Variants in ACTR3B observed in about 807,000 individuals in gnomAD.
ACTR3B encodes the protein actin-related protein 3B.
Under a neutral mutation model 59.0 loss-of-function variants are expected in ACTR3B, and 8 were observed. The observed-to-expected ratio is 0.14, with a 90% CI of 0.08 to 0.24. The LOEUF (loss-of-function observed/expected upper bound fraction) is 0.24, where lower values mean the gene tolerates loss of function less well. Among genes scored for constraint, ACTR3B ranks in the 10% least tolerant of loss-of-function variants. ACTR3B has a pLI of 1.00. For synonymous variants in ACTR3B, 148 were observed against 197.9 expected (o/e 0.75, Z 2.12); for missense variants, 245 against 552.3 (o/e 0.44, Z 5.58).
chr7:152,786,593 C>T (rs1390518290), intron 2 of ACTR3B, among the ~76,000 whole-genome samples: 1 of 149,234 alleles, frequency 6.7e-6, no homozygotes, highest in African/African-American at 2.5e-5. Flanking sequence ...ACCCCACACA[C>T]AAAAAACCCC....
intron 1 of ACTR3B, among the ~76,000 whole-genome samples, chr7:152,773,988 T>G (rs1001936242): frequency 6.6e-6 from 1 of 152,216 alleles, no homozygotes; most frequent in Admixed American, 6.5e-5. Flanking sequence ...GGGAGTGTGT[T>G]GGGCTCGTTC....
chr7:152,842,778 T>C (rs1797968699), intron 9 of ACTR3B, among the ~76,000 whole-genome samples: 2 of 152,230 alleles, frequency 1.3e-5, no homozygotes, highest in African/African-American at 4.8e-5. Context: ...ATATGTTTTA[T>C]TCTCCTTGGG....
intron 1 of ACTR3B, among the ~76,000 whole-genome samples, chr7:152,769,414 G>A (rs1214890734): frequency 2.6e-5 from 4 of 152,054 alleles, no homozygotes; most frequent in Non-Finnish European, 5.9e-5. Context: ...TGTGATCCCT[G>A]CTTGCTTCTC....
At chr7:152,794,149 A>G (rs908198444) in intron 2 of ACTR3B, among the ~76,000 whole-genome samples, 4 of 152,156 alleles carry the variant, frequency 2.6e-5, no homozygotes, top group Non-Finnish European at 5.9e-5. Flanking sequence ...TGCTTCCTCT[A>G]TAGTTGTTAA....
At chr7:152,805,776 C>T (rs1234445619) in intron 4 of ACTR3B, among the ~76,000 whole-genome samples, 2 of 152,198 alleles carry the variant, frequency 1.3e-5, no homozygotes, top group Admixed American at 6.5e-5. Context: ...ACCTCCTGCA[C>T]GTACTTTCCA....
intron 9 of ACTR3B, among the ~76,000 whole-genome samples, chr7:152,835,179 C>T (rs1413488861): frequency 6.6e-6 from 1 of 152,180 alleles, no homozygotes; most frequent in African/African-American, 2.4e-5. Context: ...TGGGTCTCCA[C>T]GTGGGCTGAG....
intron 2 of ACTR3B, among the ~76,000 whole-genome samples, chr7:152,785,379 G>A (rs1366821257): frequency 1.3e-4 from 1 of 7,572 alleles, no homozygotes; most frequent in South Asian, 8.1e-3. Context: ...TTTGTTGTGA[G>A]GGGGGGGGGA....
At chr7:152,823,081 G>A (rs568366208) in intron 7 of ACTR3B, among the ~76,000 whole-genome samples, 423 of 152,288 alleles carry the variant, frequency 2.8e-3, no homozygotes, top group African/African-American at 9.8e-3. Context: ...ATATGATAGC[G>A]ATAGAATTGG....
At chr7:152,789,549 ATT>A (rs76565911) in intron 2 of ACTR3B, among the ~76,000 whole-genome samples, 5 of 141,410 alleles carry the variant, frequency 3.5e-5, no homozygotes, top group South Asian at 2.4e-4. Flanking sequence ...GGTTTGTAAG[ATT>A]TTTTTTTTTT....
chr7:152,844,143 C>T (rs1472939613), intron 9 of ACTR3B, among the ~76,000 whole-genome samples: 5 of 152,098 alleles, frequency 3.3e-5, no homozygotes, highest in Non-Finnish European at 2.9e-5. Context: ...CTGCAACCTC[C>T]GCCTCCCAGG....
At chr7:152,810,031 T>C (rs2098264984) in intron 4 of ACTR3B, among the ~76,000 whole-genome samples, 1 of 152,316 alleles carries the variant, frequency 6.6e-6, no homozygotes, top group East Asian at 1.9e-4. Context: ...TGTAAGAGAT[T>C]CTAGAACTTT....
chr7:152,806,041 C>G (rs544859364), intron 4 of ACTR3B, among the ~76,000 whole-genome samples: 2 of 152,106 alleles, frequency 1.3e-5, no homozygotes, highest in Non-Finnish European at 2.9e-5. Flanking sequence ...TTCATTGATG[C>G]TTTGATCATC....
In ACTR3B at chr7:152,854,421, A is replaced by C. The variant is rs762911375; in HGVS notation, c.1162-37A>C. 5.0e-6 allele frequency: 8 copies of C among 1,588,712 alleles called. No individual in the cohort carries two copies. The Admixed American group carries it at 1.2e-4, about 23-fold the overall frequency. On this transcript the variant is annotated intron_variant, in intron 11 of 11. Coordinates refer to ENST00000256001, the MANE Select transcript of ACTR3B (RefSeq NM_020445.6). The surrounding 1 kb of genome is among the most constrained non-coding windows in gnomAD (Gnocchi z 4.9). Reference sequence around the variant, plus strand: ...GCTGGTTCCCTTGACTTTCTTCTGAAATGAGTGTCTTTCTGTCTGCCTGTT... The same window carrying C: ...GCTGGTTCCCTTGACTTTCTTCTGACATGAGTGTCTTTCTGTCTGCCTGTT...
chr7:152,853,493 G>C lies in ACTR3B; in HGVS notation c.1078-1G>C. 1 of 1,613,804 alleles carries C rather than the reference G, an allele frequency of 6.2e-7. No individual in the cohort carries two copies. Among genetic ancestry groups the C allele is most frequent in the Non-Finnish European group, 8.5e-7 (1 of 1,179,882 alleles). ...TAAGTGAGAGCTGCTTTCTCTTCCAGCCGAAGCCTGTGGAGGTCCAGGTGG... is the reference window on the plus strand; with the variant it reads ...TAAGTGAGAGCTGCTTTCTCTTCCACCCGAAGCCTGTGGAGGTCCAGGTGG... On this transcript the variant is annotated splice_acceptor_variant, in intron 10 of 11. Transcript: ENST00000256001. LOFTEE classifies it high-confidence loss of function.
chr7:152,854,233 G>A lies in ACTR3B; in HGVS notation c.1162-225G>A, dbSNP rs888218988. 6.6e-6 allele frequency among the ~76,000 whole-genome samples: 1 copy of A among 152,126 alleles called. No individual in the cohort carries two copies. The highest frequency in any genetic ancestry group is 1.5e-5 in the Non-Finnish European group (1 of 68,008). On this transcript the variant is annotated intron_variant, in intron 11 of 11. Transcript: ENST00000256001. This position sits in a 1 kb window ranked among gnomAD's most constrained non-coding sequence, Gnocchi z 4.9. ...CTCACACATTGTTAGTGGGGGACCGGCATTTGGTTGGTCCTAAGAAGATAC... is the reference window on the plus strand; with the variant it reads ...CTCACACATTGTTAGTGGGGGACCGACATTTGGTTGGTCCTAAGAAGATAC...
chr7:152,808,984 CAT>C (rs2098260993), intron 4 of ACTR3B, among the ~76,000 whole-genome samples: 1 of 152,330 alleles, frequency 6.6e-6, no homozygotes, highest in Middle Eastern at 3.4e-3. Context: ...ATCTCTTACT[CAT>C]GTGCTTTAAA....
At chr7:152,763,710 C>T (rs574918179) in intron 1 of ACTR3B, among the ~76,000 whole-genome samples, 1 of 152,318 alleles carries the variant, frequency 6.6e-6, no homozygotes, top group African/African-American at 2.4e-5. Flanking sequence ...AGGCGTGAGC[C>T]ACTGTGCCTG....
At chr7:152,799,080 G>T (rs4071596) in intron 2 of ACTR3B, among the ~76,000 whole-genome samples, 1 of 152,054 alleles carries the variant, frequency 6.6e-6, no homozygotes, top group Non-Finnish European at 1.5e-5. Context: ...CCTCACTTTG[G>T]GTAGTAAGTC....
intron 4 of ACTR3B, among the ~76,000 whole-genome samples, chr7:152,809,545 T>A (rs1220865623): frequency 6.6e-6 from 1 of 151,852 alleles, no homozygotes; most frequent in African/African-American, 2.4e-5. Flanking sequence ...TTCTTTTTTT[T>A]TTTTGTTTTT....
Sources: gnomAD v4.1 joint callset for allele counts (sites outside exome capture counted in the v4.1 genomes callset) on GRCh38, gnomAD v4.1.1 for gene constraint, Gnocchi (gnomAD v3.1) non-coding constraint, MANE v1.5 for transcripts, NCBI Gene and HGNC (gene_info 2026-07-23, HGNC 2026-07-21) for gene names.